RAPGEF4: variants seen among roughly 807,000 people sequenced by gnomAD.
The protein encoded by RAPGEF4 is Rap guanine nucleotide exchange factor 4, also known as RAP guanine-nucleotide-exchange factor (GEF) 4.
In RAPGEF4, 66 loss-of-function variants were observed where a neutral mutation model predicts 147.9. The observed-to-expected ratio is 0.45, with a 90% CI of 0.37 to 0.55. The LOEUF (loss-of-function observed/expected upper bound fraction) is 0.55, where lower values mean the gene tolerates loss of function less well. Ranked by LOEUF, RAPGEF4 falls within the 20% of genes least tolerant of loss-of-function variation. The pLI is 0.00. For synonymous variants in RAPGEF4, 419 were observed against 442.7 expected (o/e 0.95, Z 0.67); for missense variants, 1,071 against 1,257.3 (o/e 0.85, Z 2.24).
At chr2:172,958,902 A>G (rs553134278) in intron 6 of RAPGEF4, among the ~76,000 whole-genome samples, 1 of 152,300 alleles carries the variant, frequency 6.6e-6, no homozygotes, top group South Asian at 2.1e-4. Flanking sequence ...CTTGAAACTT[A>G]TTGTTAATTT....
chr2:172,865,558 T>G (rs960942969), intron 4 of RAPGEF4, among the ~76,000 whole-genome samples: 4 of 152,222 alleles, frequency 2.6e-5, no homozygotes, highest in African/African-American at 9.6e-5. Flanking sequence ...TCCCAAAGTC[T>G]GGCTCCTCCT....
At chr2:172,815,900 A>G (rs544340238) in intron 4 of RAPGEF4, among the ~76,000 whole-genome samples, 1 of 152,318 alleles carries the variant, frequency 6.6e-6, no homozygotes, top group South Asian at 2.1e-4. Flanking sequence ...AGAAAAATCA[A>G]AAAGTATAGT....
chr2:172,957,851 A>G (rs1175929509), intron 6 of RAPGEF4, among the ~76,000 whole-genome samples: 1 of 152,238 alleles, frequency 6.6e-6, no homozygotes, highest in Admixed American at 6.5e-5. Flanking sequence ...GTTGCAAATC[A>G]AAGAAAAAGT....
At position 172,786,144 on chromosome 2, in the gene RAPGEF4, T is replaced by G. The variant is rs190257342; in HGVS notation, c.66-8881T>G. Among the ~76,000 whole-genome samples, 440 of 152,286 alleles carry G rather than the reference T, an allele frequency of 2.9e-3. 2 individuals are homozygous for G. The highest frequency in any genetic ancestry group is 9.9e-3 in the African/African-American group (411 of 41,560). On this transcript the variant is annotated intron_variant, in intron 1 of 30. Coordinates refer to ENST00000397081, the MANE Select transcript of RAPGEF4 (RefSeq NM_007023.4). ...ATCCAGAGTTGACTGAATTAAAATT[T>G]AAGAGCACAGCAGATGTCCACATTG... is the stretch of plus-strand genomic sequence containing the variant.
chr2:172,850,892 A>G (rs181393504), intron 4 of RAPGEF4, among the ~76,000 whole-genome samples: 38 of 152,162 alleles, frequency 2.5e-4, no homozygotes, highest in African/African-American at 9.2e-4. Flanking sequence ...CAAAGAACCA[A>G]TTTCTGGTTT....
chr2:172,844,079 A>G (rs1353856172), intron 4 of RAPGEF4, among the ~76,000 whole-genome samples: 2 of 152,254 alleles, frequency 1.3e-5, no homozygotes, highest in Non-Finnish European at 2.9e-5. Flanking sequence ...TTGATTTGGC[A>G]TTTGCAATTG....
chr2:172,983,773 T>C (rs1424132309), intron 11 of RAPGEF4, among the ~76,000 whole-genome samples, 193 bp downstream of exon 11: 3 of 152,196 alleles, frequency 2.0e-5, no homozygotes, highest in African/African-American at 4.8e-5. Flanking sequence ...AATTTTGTCC[T>C]ATTATTGGTA....
At chr2:172,937,512 T>C (rs2150117962) in intron 6 of RAPGEF4, among the ~76,000 whole-genome samples, 1 of 152,292 alleles carries the variant, frequency 6.6e-6, no homozygotes. Context: ...TTTCATCACA[T>C]CATATCAAGA....
chr2:172,795,743 C>A (rs1686298391), intron 2 of RAPGEF4, among the ~76,000 whole-genome samples: 1 of 152,090 alleles, frequency 6.6e-6, no homozygotes, highest in African/African-American at 2.4e-5. Flanking sequence ...AAAAAAAAAT[C>A]AATTACTTAT....
At chr2:172,902,491 C>T (rs1699176721) in intron 4 of RAPGEF4, among the ~76,000 whole-genome samples, 1 of 151,920 alleles carries the variant, frequency 6.6e-6, no homozygotes, top group Admixed American at 6.6e-5. Flanking sequence ...TTTGTAGAGA[C>T]AGGCTTTCAC....
intron 4 of RAPGEF4, among the ~76,000 whole-genome samples, chr2:172,912,405 T>C (rs534682390): frequency 1.5e-4 from 23 of 152,336 alleles, no homozygotes; most frequent in African/African-American, 5.5e-4. Flanking sequence ...AAAAAGTCTT[T>C]TGCGTATCTA....
In RAPGEF4 at chr2:173,044,039, T is replaced by C. The variant is rs7587105; in HGVS notation, c.2854-4561T>C. ...CAGCAAGTTCATGAGAGGAACAGTA[T>C]ACAGGAAAACAAGTGCTCTGTAGAC... On this transcript the variant is annotated intron_variant, in intron 29 of 30. Transcript: ENST00000397081. 3.4e-3 allele frequency among the ~76,000 whole-genome samples: 517 copies of C among 152,274 alleles called. 6 individuals carry two copies. Among genetic ancestry groups the C allele is most frequent in the African/African-American group, 0.012 (496 of 41,568 alleles).
Position 173,023,981 on chromosome 2 carries a change from T to C in RAPGEF4, c.2254-2591T>C, listed in dbSNP as rs551528093. Among the ~76,000 whole-genome samples the C allele has an allele frequency of 3.3e-5, 5 of 152,340 alleles. No homozygotes were observed. In the South Asian group the frequency reaches 6.2e-4, roughly 19 times the overall value. ...ATGTATAAGCTTCCCCAACTTTTTT[T>C]ACCTAGGACCTACCCTGGTTGAAAT... On this transcript the variant is annotated intron_variant, in intron 23 of 30. Transcript: ENST00000397081.
chr2:173,050,661 A>C (rs1342236374), intron 30 of RAPGEF4, among the ~76,000 whole-genome samples: 1 of 152,076 alleles, frequency 6.6e-6, no homozygotes, highest in East Asian at 1.9e-4. Context: ...GTTGGGTCTA[A>C]AGAGAGCATT....
At chr2:172,738,109 T>G (rs552585776) in intron 1 of RAPGEF4, among the ~76,000 whole-genome samples, 1 of 152,078 alleles carries the variant, frequency 6.6e-6, no homozygotes, top group Non-Finnish European at 1.5e-5. Flanking sequence ...TTATTTATTT[T>G]TTTTAGGAAA....
In RAPGEF4 at chr2:173,005,966, C is replaced by CCA. The variant is rs1325080836; in HGVS notation, c.1658+4623_1658+4624insAC. ...TGTGGTTGATTTGCCAACATTCATG[C>CCA]CTTATTACTCGGTATTCTAGCCACT... On this transcript the variant is annotated intron_variant, in intron 17 of 30. Coordinates refer to ENST00000397081, the MANE Select transcript of RAPGEF4 (RefSeq NM_007023.4). 7.5e-4 allele frequency among the ~76,000 whole-genome samples: 3 copies of CCA among 4,026 alleles called. No homozygotes were observed. The Admixed American group carries it at 0.014, about 19-fold the overall frequency. The allele number at this position is 4,026 out of a possible 152,430, so 2.6% of individuals were successfully genotyped here.
chr2:172,941,879 A>G (rs1687194418), intron 6 of RAPGEF4, among the ~76,000 whole-genome samples: 1 of 152,170 alleles, frequency 6.6e-6, no homozygotes, highest in South Asian at 2.1e-4. Context: ...ACACGCATAT[A>G]AAGTTCACAC....
intron 11 of RAPGEF4, among the ~76,000 whole-genome samples, 194 bp downstream of exon 11, chr2:172,983,774 A>G (rs1691946896): frequency 6.6e-6 from 1 of 152,150 alleles, no homozygotes; most frequent in Admixed American, 6.5e-5. Context: ...ATTTTGTCCT[A>G]TTATTGGTAG....
intron 3 of RAPGEF4, among the ~76,000 whole-genome samples, chr2:172,807,176 A>AGCATCCT (rs1183714130): frequency 1.3e-5 from 2 of 152,206 alleles, no homozygotes; most frequent in Non-Finnish European, 2.9e-5. Context: ...GAGTTTATTG[A>AGCATCCT]GCATCCTGCA....
Sources: gnomAD v4.1 joint callset for allele counts (sites outside exome capture counted in the v4.1 genomes callset) on GRCh38, gnomAD v4.1.1 for gene constraint, MANE v1.5 for transcripts, NCBI Gene and HGNC (gene_info 2026-07-23, HGNC 2026-07-21) for gene names.